PALLD: variants seen among roughly 807,000 people sequenced by gnomAD.
PALLD encodes palladin.
A neutral mutation model predicts 123.5 loss-of-function variants in PALLD; 61 were observed. That is an observed-to-expected ratio of 0.49 (90% CI 0.40 to 0.61). The LOEUF (loss-of-function observed/expected upper bound fraction) is 0.61, where lower values mean the gene tolerates loss of function less well. PALLD is among the 20% of genes least tolerant of loss of function. PALLD has a pLI of 0.00. For missense variants in PALLD, 1,273 were observed against 1,377.0 expected (o/e 0.92, Z 1.20); for synonymous variants, 465 against 496.4 (o/e 0.94, Z 0.84).
At chr4:168,769,865 G>A (rs779576376) in intron 10 of PALLD, among the ~76,000 whole-genome samples, 9 of 152,134 alleles carry the variant, frequency 5.9e-5, no homozygotes, top group Admixed American at 2.0e-4. Context: ...CTGGTTTTTA[G>A]TTATCTACAG....
At chr4:168,811,554 G>A (rs1004595395) in intron 10 of PALLD, among the ~76,000 whole-genome samples, 3 of 152,088 alleles carry the variant, frequency 2.0e-5, no homozygotes, top group Admixed American at 2.0e-4. Context: ...GGAAAATATA[G>A]TGAGACCTCA....
rs1269685771 is a variant in PALLD, at chr4:168,512,232, A to G, written c.728A>G (p.Tyr243Cys). The change falls in exon 2 of 22, where the codon TAC becomes TGC. Residue 243 changes from tyrosine (Y) to cysteine (C), a missense_variant. Physicochemically the swap from Tyr to Cys is radical, Grantham distance 194 (BLOSUM62 -2). Transcript: ENST00000505667. ...AAGTCCCCTGGGGCCAGGCATTGCT[A>G]CCAGGACAACCAGGACTTGGCAGTG... ...EVKSPGARHC[Y>C]QDNQDLAVPH... The G allele has an allele frequency of 1.2e-6, 2 of 1,613,800 alleles. No homozygotes were observed. Among genetic ancestry groups the G allele is most frequent in the African/African-American group, 1.3e-5 (1 of 74,912 alleles).
rs1461185697 is a variant in PALLD, at chr4:168,660,948, A to G, written c.909-7242A>G. ...GAGACAGAGTCTCGCTCTGTCACCC[A>G]GGCTGGAGTGCAGTGGCACGATCTT... is the stretch of plus-strand genomic sequence containing the variant. On this transcript the variant is annotated intron_variant, in intron 2 of 21. Coordinates refer to ENST00000505667, the MANE Select transcript of PALLD (RefSeq NM_001166108.2). Among the ~76,000 whole-genome samples, 3 of 150,158 alleles carry G rather than the reference A, an allele frequency of 2.0e-5. No individual in the cohort carries two copies. In the South Asian group the frequency reaches 6.3e-4, roughly 32 times the overall value.
At chr4:168,608,065 G>GT (rs1412714864) in intron 2 of PALLD, among the ~76,000 whole-genome samples, 5 of 152,166 alleles carry the variant, frequency 3.3e-5, no homozygotes, top group African/African-American at 7.2e-5. Flanking sequence ...AGTAGGTCCC[G>GT]TTTTTACAAT....
At chr4:168,894,463 G>T in intron 11 of PALLD, 116 bp from the exon 12 acceptor site, 1 of 727,598 alleles carries the variant, frequency 1.4e-6, no homozygotes, top group South Asian at 1.5e-5. Flanking sequence ...TGAAGCTGGA[G>T]AGAGAACACT....
At chr4:168,912,025 G>C (rs966010342) in intron 15 of PALLD, among the ~76,000 whole-genome samples, 23 of 151,998 alleles carry the variant, frequency 1.5e-4, no homozygotes, top group Admixed American at 2.0e-4. Context: ...AAGAAGTCCA[G>C]GTTTTAGGAG....
At chr4:168,517,720 G>C (rs1434492292) in intron 2 of PALLD, among the ~76,000 whole-genome samples, 1 of 152,186 alleles carries the variant, frequency 6.6e-6, no homozygotes, top group Non-Finnish European at 1.5e-5. Context: ...CTAGCCAATA[G>C]TTTATGAATA....
chr4:168,814,303 A>G (rs777783522), intron 10 of PALLD, among the ~76,000 whole-genome samples: 1 of 152,202 alleles, frequency 6.6e-6, no homozygotes, highest in Non-Finnish European at 1.5e-5. Context: ...AATCATTTCA[A>G]TCTACCAATT....
intron 10 of PALLD, among the ~76,000 whole-genome samples, chr4:168,767,611 G>T (rs1022066037): frequency 6.8e-6 from 1 of 147,498 alleles, no homozygotes; most frequent in Non-Finnish European, 1.5e-5. Context: ...GCAGTGGCGC[G>T]ATCTCAGCTC....
At chr4:168,924,822 T>C in intron 19 of PALLD, 123 bp from the exon 20 acceptor site, 1 of 932,466 alleles carries the variant, frequency 1.1e-6, no homozygotes, top group Middle Eastern at 2.6e-4. Flanking sequence ...ACAGAATAAG[T>C]ATGACCCTAT....
intron 10 of PALLD, among the ~76,000 whole-genome samples, chr4:168,792,860 G>A (rs1737733042): frequency 2.0e-5 from 3 of 150,552 alleles, no homozygotes; most frequent in Admixed American, 1.3e-4. Flanking sequence ...TCTGCCTCCC[G>A]GGTTCAAGCG....
At chr4:168,674,435 G>A (rs910531459) in intron 3 of PALLD, among the ~76,000 whole-genome samples, 5 of 152,134 alleles carry the variant, frequency 3.3e-5, no homozygotes, top group South Asian at 2.1e-4. Context: ...ATCTGAATCT[G>A]AGCCTGGGAT....
chr4:168,563,678 A>G (rs560620635), intron 2 of PALLD, among the ~76,000 whole-genome samples: 10 of 152,300 alleles, frequency 6.6e-5, no homozygotes, highest in African/African-American at 2.4e-4. Flanking sequence ...CTATTTATAT[A>G]TATAATGCAT....
At chr4:168,841,050 C>T (rs1180141362) in intron 10 of PALLD, among the ~76,000 whole-genome samples, 1 of 152,046 alleles carries the variant, frequency 6.6e-6, no homozygotes, top group Non-Finnish European at 1.5e-5. Context: ...GGAGTTTTAC[C>T]ATGTTGGTCA....
At chr4:168,924,878 T>C in intron 19 of PALLD, 67 bp from the exon 20 acceptor site, 1 of 1,502,048 alleles carries the variant, frequency 6.7e-7, no homozygotes, top group Non-Finnish European at 9.3e-7. Flanking sequence ...TAATTAAAAA[T>C]GATGCTTCAT....
chr4:168,851,777 A>T (rs1747831340), intron 10 of PALLD, among the ~76,000 whole-genome samples: 2 of 152,200 alleles, frequency 1.3e-5, no homozygotes, highest in South Asian at 4.1e-4. Flanking sequence ...CCCCTATTTG[A>T]TAAGCATATA....
chr4:168,687,113 A>G (rs1782141483), intron 6 of PALLD, among the ~76,000 whole-genome samples: 1 of 152,256 alleles, frequency 6.6e-6, no homozygotes, highest in African/African-American at 2.4e-5. Context: ...AAGCAAATCT[A>G]TAAAACTTTT....
intron 10 of PALLD, among the ~76,000 whole-genome samples, chr4:168,769,169 C>G (rs895937978): frequency 6.6e-6 from 1 of 152,178 alleles, no homozygotes; most frequent in African/African-American, 2.4e-5. Context: ...CAGTGAAGAA[C>G]ATTCATTGTA....
intron 2 of PALLD, among the ~76,000 whole-genome samples, chr4:168,657,768 A>G (rs544296353): frequency 1.3e-5 from 2 of 152,286 alleles, no homozygotes; most frequent in East Asian, 3.9e-4. Flanking sequence ...CCACATGTAC[A>G]GTAAGGAGCA....
Sources: gnomAD v4.1 joint callset for allele counts (sites outside exome capture counted in the v4.1 genomes callset) on GRCh38, gnomAD v4.1.1 for gene constraint, MANE v1.5 for transcripts, NCBI Gene and HGNC (gene_info 2026-07-23, HGNC 2026-07-21) for gene names.